Variants in PHF12 observed in about 807,000 individuals in gnomAD.
PHF12 encodes PHD factor 1.
Under a neutral mutation model 99.8 loss-of-function variants are expected in PHF12, and 6 were observed. That is an observed-to-expected ratio of 0.06 (90% CI 0.03 to 0.12). The LOEUF (loss-of-function observed/expected upper bound fraction) is 0.12. Ranked by LOEUF, PHF12 falls within the 10% of genes least tolerant of loss-of-function variation. The probability of loss-of-function intolerance (pLI) is 1.00; values close to 1 mark genes in which losing one functional copy is unlikely to be tolerated. For synonymous variants in PHF12, 480 were observed against 514.9 expected (o/e 0.93, Z 0.92); for missense variants, 954 against 1,300.1 (o/e 0.73, Z 4.09).
chr17:28,911,405 AG>A lies in PHF12; in HGVS notation c.2090-169del, dbSNP rs555145520. 45 of 919,794 alleles carry A rather than the reference AG, an allele frequency of 4.9e-5. No homozygotes were observed. In the African/African-American group the frequency reaches 5.2e-4, roughly 11 times the overall value. The allele number at this position is 919,794 out of a possible 1,614,324, so 57.0% of individuals were successfully genotyped here. A position where few individuals can be genotyped will look rare whatever the true frequency, so the allele number is the denominator to read the frequency against. ...TAGAGCTAAAAACGTGTGGTGAGGA[AG>A]GGCAGATGGAACGACAAAGCACCCA... is the stretch of plus-strand genomic sequence containing the variant. On this transcript the variant is annotated intron_variant, in intron 9 of 14. Transcript: ENST00000332830.
At chr17:28,913,381 G>T in intron 8 of PHF12, 104 bp from the exon 9 acceptor site, 2 of 1,491,304 alleles carry the variant, frequency 1.3e-6, no homozygotes, top group Non-Finnish European at 1.8e-6. Flanking sequence ...AGTTTCCGAG[G>T]TCCCATCATG....
At chr17:28,922,587 T>C (rs2040186043) in intron 4 of PHF12, among the ~76,000 whole-genome samples, 1 of 152,186 alleles carries the variant, frequency 6.6e-6, no homozygotes, top group Non-Finnish European at 1.5e-5. Flanking sequence ...CCAGCAATTT[T>C]ATTGTCCTAT....
At chr17:28,926,640 A>T in intron 3 of PHF12, 1 of 538,750 alleles carries the variant, frequency 1.9e-6, no homozygotes, top group Non-Finnish European at 3.0e-6. Flanking sequence ...CCCTGGGGTG[A>T]GAGAAAACTC....
Position 28,950,743 on chromosome 17 carries a change from A to G in PHF12, c.66+152T>C. ...CCTCGGAGGCTGAGCTCAGCCCCCTAAATTGCAAAGAGGGGAGGGAGAGGC... is the reference window on the plus strand; with the variant it reads ...CCTCGGAGGCTGAGCTCAGCCCCCTGAATTGCAAAGAGGGGAGGGAGAGGC... On this transcript the variant is annotated intron_variant, in intron 1 of 14. Transcript: ENST00000332830. This position sits in a 1 kb window ranked among gnomAD's most constrained non-coding sequence, Gnocchi z 5.7. The G allele has an allele frequency of 3.5e-6, 4 of 1,132,672 alleles. No homozygotes were observed. Among genetic ancestry groups the G allele is most frequent in the Non-Finnish European group, 4.8e-6 (4 of 835,608 alleles). 70.2% of individuals were successfully genotyped at this position (1,132,672 alleles called of 1,614,324 possible).
chr17:28,930,485 G>A (rs1333015839), intron 2 of PHF12, among the ~76,000 whole-genome samples: 6 of 152,176 alleles, frequency 3.9e-5, no homozygotes. Context: ...GCTATGAGGG[G>A]AGGTAATGCA....
rs751114682 is a variant in PHF12 at position 28,912,489 on chromosome 17, T to C, written c.2082A>G (p.Pro694=). The C allele has an allele frequency of 1.9e-6, 3 of 1,594,838 alleles. No homozygotes were observed. The highest frequency in any genetic ancestry group is 2.3e-5 in the South Asian group (2 of 88,676). Residue 694 remains proline, a synonymous_variant, in exon 9 of 15, where the codon CCA becomes CCG. Coordinates refer to ENST00000332830, the MANE Select transcript of PHF12 (RefSeq NM_001033561.2). The stretch of plus-strand genomic sequence containing the variant: ...AGGCTGAGCAGCACTCACCTGACGA[T>C]GGCGCTGGTGAGCTGAATCGTTGGT... The part of the protein sequence containing the change: ...TANQRFSSPA[P]SSDGKVSPGT...
chr17:28,913,830 GAC>G (rs774484072), intron 8 of PHF12, 47 bp downstream of exon 8: 1 of 1,566,064 alleles, frequency 6.4e-7, no homozygotes, highest in East Asian at 2.3e-5. Flanking sequence ...CAGCTGTGGT[GAC>G]ACAGAAGGAA....
chr17:28,948,867 CTG>C (rs2040760345), intron 2 of PHF12, among the ~76,000 whole-genome samples: 2 of 152,172 alleles, frequency 1.3e-5, no homozygotes, highest in Non-Finnish European at 2.9e-5. Context: ...CCTCAGTCAA[CTG>C]TTGCAGAACA....
chr17:28,942,083 T>G (rs1260220087), intron 2 of PHF12, among the ~76,000 whole-genome samples: 1 of 152,188 alleles, frequency 6.6e-6, no homozygotes, highest in Non-Finnish European at 1.5e-5. Flanking sequence ...GGAAAGGACA[T>G]GCAGAAAAGT....
chr17:28,946,725 A>T (rs976149944), intron 2 of PHF12, among the ~76,000 whole-genome samples: 1 of 152,226 alleles, frequency 6.6e-6, no homozygotes, highest in Non-Finnish European at 1.5e-5. Context: ...TTTTGTAGAG[A>T]TGGAGTCTTG....
intron 2 of PHF12, chr17:28,927,643 T>C (rs1177217873): frequency 2.0e-5 from 3 of 153,212 alleles, no homozygotes; most frequent in Non-Finnish European, 1.5e-5. Flanking sequence ...TGTGCTTGTC[T>C]TATGACTTGC....
chr17:28,941,230 G>T (rs1051450776), intron 2 of PHF12, among the ~76,000 whole-genome samples: 13 of 152,110 alleles, frequency 8.5e-5, no homozygotes, highest in Non-Finnish European at 4.4e-5. Flanking sequence ...GGACAAGAAA[G>T]TTGAGAGATG....
rs949440385 is a variant in PHF12, at chr17:28,951,180, C to T, written c.-220G>A. On this transcript the variant is annotated 5_prime_UTR_variant, in exon 1 of 15. Coordinates refer to ENST00000332830, the MANE Select transcript of PHF12 (RefSeq NM_001033561.2). ...CGAGGGGGGAGCGGCCCCTCAGTCC[C>T]GGCCCGGCTGCTGGCTGCACAGTGG... The T allele has an allele frequency of 8.0e-4, 1,128 of 1,414,892 alleles. No homozygotes were observed. The highest frequency in any genetic ancestry group is 9.8e-4 in the Non-Finnish European group (1,068 of 1,088,484). The allele number at this position is 1,414,892 out of a possible 1,614,324, so 87.6% of individuals were successfully genotyped here.
Position 28,950,002 on chromosome 17 carries a change from C to T in PHF12, c.248+63G>A. ...GTTATTTCGGCAGTCAGGGGCAGGC[C>T]GGGTGAAGGAATGCGCAGAGAAGGG... On this transcript the variant is annotated intron_variant, in intron 2 of 14. Coordinates refer to ENST00000332830, the MANE Select transcript of PHF12 (RefSeq NM_001033561.2). This position sits in a 1 kb window ranked among gnomAD's most constrained non-coding sequence, Gnocchi z 5.7. The T allele has an allele frequency of 2.7e-6, 4 of 1,462,174 alleles. No individual in the cohort carries two copies. Among genetic ancestry groups the T allele is most frequent in the Non-Finnish European group, 2.7e-6 (3 of 1,095,868 alleles). 90.6% of individuals were successfully genotyped at this position (1,462,174 alleles called of 1,614,324 possible).
rs2039950599 is a variant in PHF12 at position 28,911,051 on chromosome 17, T to A, written c.2215+61A>T. 3 of 1,606,868 alleles carry A rather than the reference T, an allele frequency of 1.9e-6. No individual in the cohort carries two copies. The East Asian group carries it at 6.7e-5, about 36-fold the overall frequency. On this transcript the variant is annotated intron_variant, in intron 10 of 14. Coordinates refer to ENST00000332830, the MANE Select transcript of PHF12 (RefSeq NM_001033561.2). ...TCCCTTTCTGAAATGAGCTGAATGCTGTATAGGAATAGCACCTTCAACATA... is the reference window on the plus strand; with the variant it reads ...TCCCTTTCTGAAATGAGCTGAATGCAGTATAGGAATAGCACCTTCAACATA...
intron 2 of PHF12, among the ~76,000 whole-genome samples, chr17:28,941,039 CT>C (rs34310397): frequency 0.14 from 19,053 of 134,266 alleles, 1,267 homozygotes; most frequent in South Asian, 0.26. Flanking sequence ...GGAAAACAGA[CT>C]TTTTTTTTTT....
In PHF12 at chr17:28,912,681, G is replaced by A; in HGVS notation, c.1890C>T (p.Ser630=). Residue 630 remains serine (S), a synonymous_variant, in exon 9 of 15, where the codon AGC becomes AGT. Coordinates refer to ENST00000332830, the MANE Select transcript of PHF12 (RefSeq NM_001033561.2). The part of the protein sequence containing the change: ...PVPSLPPSIP[S]SCASIENTST... ...TGGTGTTCTCGATGCTGGCACAAGA[G>A]CTGGGAATGGAAGGGGGCAGGCTTG... The A allele has an allele frequency of 1.2e-6, 2 of 1,614,274 alleles. No homozygotes were observed. Among genetic ancestry groups the A allele is most frequent in the Non-Finnish European group, 8.5e-7 (1 of 1,180,054 alleles).
intron 12 of PHF12, chr17:28,907,971 C>T (rs566141645): frequency 2.1e-4 from 52 of 253,362 alleles, no homozygotes; most frequent in African/African-American, 9.9e-4. Flanking sequence ...AATACAACAT[C>T]GGGGTGCAGA....
At position 28,906,372 on chromosome 17, in the gene PHF12, C is replaced by T. The variant is rs747771691; in HGVS notation, c.2826G>A (p.Glu942=). The change falls in exon 15 of 15, where the codon GAG becomes GAA. Residue 942 remains glutamate (E), a synonymous_variant. Coordinates refer to ENST00000332830, the MANE Select transcript of PHF12 (RefSeq NM_001033561.2). This position sits in a 1 kb window ranked among gnomAD's most constrained non-coding sequence, Gnocchi z 4.2. ...SLIGGSGAGW[E]GTALLHHGSY... is the part of the protein sequence containing the mutation. ...TGCCATGGTGCAGTAAGGCTGTGCC[C>T]TCCCAGCCGGCCCCACTGCCCCCAA... 6 of 1,614,122 alleles carry T rather than the reference C, an allele frequency of 3.7e-6. No homozygotes were observed. The East Asian group carries it at 1.1e-4, about 30-fold the overall frequency.
Sources: allele counts gnomAD v4.1 joint callset (sites outside exome capture counted in the v4.1 genomes callset), GRCh38; gene constraint gnomAD v4.1.1; non-coding constraint Gnocchi (gnomAD v3.1); transcripts MANE v1.5; gene names NCBI Gene and HGNC (gene_info 2026-07-23, HGNC 2026-07-21).